TAFA1: variants seen among roughly 807,000 people sequenced by gnomAD.
The protein encoded by TAFA1 is TAFA chemokine like family member 1.
A neutral mutation model predicts 18.5 loss-of-function variants in TAFA1; 4 were observed. That is an observed-to-expected ratio of 0.22 (90% CI 0.11 to 0.49). The LOEUF (loss-of-function observed/expected upper bound fraction) is 0.49, where lower values mean the gene tolerates loss of function less well. TAFA1 is among the 20% of genes least tolerant of loss of function. The probability of loss-of-function intolerance (pLI) is 0.98; values close to 1 mark genes in which losing one functional copy is unlikely to be tolerated. For synonymous variants in TAFA1, 56 were observed against 55.2 expected (o/e 1.01, Z -0.06); for missense variants, 147 against 169.0 (o/e 0.87, Z 0.72).
At chr3:68,292,583 A>G (rs1167615037) in intron 2 of TAFA1, among the ~76,000 whole-genome samples, 1 of 152,096 alleles carries the variant, frequency 6.6e-6, no homozygotes, top group Non-Finnish European at 1.5e-5. Flanking sequence ...CTGGAGTGCA[A>G]TGGCACAATC....
At chr3:68,468,009 T>C (rs899348335) in intron 3 of TAFA1, among the ~76,000 whole-genome samples, 3 of 152,316 alleles carry the variant, frequency 2.0e-5, no homozygotes, top group Non-Finnish European at 1.5e-5. Flanking sequence ...AAAATAACCA[T>C]GTACTTTACT....
chr3:68,163,192 T>C (rs973098309), intron 2 of TAFA1, among the ~76,000 whole-genome samples: 1 of 152,238 alleles, frequency 6.6e-6, no homozygotes, highest in Non-Finnish European at 1.5e-5. Flanking sequence ...TTAATCATCC[T>C]TTTCCAGTGT....
intron 2 of TAFA1, among the ~76,000 whole-genome samples, chr3:68,065,655 ATG>A (rs964968130): frequency 6.6e-5 from 10 of 151,876 alleles, no homozygotes; most frequent in Non-Finnish European, 1.5e-5. Flanking sequence ...GAATTTGTAT[ATG>A]TGTGTATATA....
intron 2 of TAFA1, among the ~76,000 whole-genome samples, chr3:68,343,433 A>G (rs1011977509): frequency 4.6e-5 from 7 of 152,170 alleles, no homozygotes; most frequent in Admixed American, 6.5e-5. Context: ...AAATTTCACT[A>G]TTTAATTTTA....
intron 3 of TAFA1, among the ~76,000 whole-genome samples, chr3:68,517,911 C>T: frequency 7.0e-6 from 1 of 142,536 alleles, no homozygotes; most frequent in Non-Finnish European, 1.5e-5. Context: ...GCCTTATCTG[C>T]TCCCACTTGC....
intron 3 of TAFA1, among the ~76,000 whole-genome samples, chr3:68,427,058 G>C (rs966634462): frequency 5.9e-5 from 9 of 151,754 alleles, no homozygotes; most frequent in Admixed American, 1.3e-4. Flanking sequence ...ATGTGTGTGA[G>C]AGAGAGAGAT....
At chr3:68,121,811 A>G (rs1362609837) in intron 2 of TAFA1, among the ~76,000 whole-genome samples, 2 of 152,116 alleles carry the variant, frequency 1.3e-5, no homozygotes, top group African/African-American at 4.8e-5. Context: ...ATCCCTTCCA[A>G]AGTTTAAGTG....
chr3:68,531,738 G>T (rs932919224), intron 3 of TAFA1, among the ~76,000 whole-genome samples: 1 of 152,048 alleles, frequency 6.6e-6, no homozygotes, highest in Non-Finnish European at 1.5e-5. Flanking sequence ...TTTCCCTGGC[G>T]CTGGTTGTGA....
chr3:68,162,072 C>G (rs2065931623), intron 2 of TAFA1, among the ~76,000 whole-genome samples: 1 of 152,144 alleles, frequency 6.6e-6, no homozygotes, highest in Non-Finnish European at 1.5e-5. Flanking sequence ...TTATAGAAAA[C>G]ATTTGCCAAT....
chr3:68,477,841 A>C (rs575272528), intron 3 of TAFA1, among the ~76,000 whole-genome samples: 1 of 152,304 alleles, frequency 6.6e-6, no homozygotes, highest in Admixed American at 6.5e-5. Flanking sequence ...TTAGGCTTTG[A>C]AAAATACATA....
chr3:68,138,144 G>A (rs2065629721), intron 2 of TAFA1, among the ~76,000 whole-genome samples: 1 of 152,166 alleles, frequency 6.6e-6, no homozygotes, highest in Non-Finnish European at 1.5e-5. Context: ...TTTCATAGTA[G>A]AGACATTTGC....
chr3:68,525,847 C>T (rs1044461235), intron 3 of TAFA1, among the ~76,000 whole-genome samples: 1 of 148,410 alleles, frequency 6.7e-6, no homozygotes, highest in Non-Finnish European at 1.5e-5. Context: ...TTCTCTCTCT[C>T]TTTTTTTTTT....
intron 2 of TAFA1, among the ~76,000 whole-genome samples, chr3:68,267,069 A>G (rs889398658): frequency 6.6e-6 from 1 of 152,156 alleles, no homozygotes; most frequent in African/African-American, 2.4e-5. Flanking sequence ...TAGGGAACGC[A>G]TTAACAAGAG....
intron 2 of TAFA1, among the ~76,000 whole-genome samples, chr3:68,312,835 A>T (rs1042803527): frequency 1.3e-5 from 2 of 152,156 alleles, no homozygotes; most frequent in Admixed American, 1.3e-4. Flanking sequence ...GTATTAGTCC[A>T]TTTTCATGCT....
At chr3:68,000,683 C>T (rs182845992), upstream of TAFA1, among the ~76,000 whole-genome samples, 55 of 152,174 alleles carry the variant, frequency 3.6e-4, 1 homozygote, top group African/African-American at 1.0e-3. Flanking sequence ...GATGCAGAGT[C>T]GGGGAGACAC....
At chr3:68,427,913 T>C (rs144937563) in intron 3 of TAFA1, among the ~76,000 whole-genome samples, 22 of 151,912 alleles carry the variant, frequency 1.4e-4, no homozygotes, top group African/African-American at 4.6e-4. Flanking sequence ...ACCATGTAAT[T>C]TGTGCCATTG....
At chr3:68,438,612 G>T (rs906463698) in intron 3 of TAFA1, among the ~76,000 whole-genome samples, 2 of 151,964 alleles carry the variant, frequency 1.3e-5, no homozygotes, top group Non-Finnish European at 1.5e-5. Context: ...CACCTTCAAC[G>T]CACCTTTCCA....
intron 3 of TAFA1, among the ~76,000 whole-genome samples, chr3:68,501,344 A>G (rs1575928347): frequency 6.6e-6 from 1 of 152,102 alleles, no homozygotes; most frequent in Non-Finnish European, 1.5e-5. Flanking sequence ...GTCATAACCG[A>G]GGCTTGACAG....
intron 2 of TAFA1, among the ~76,000 whole-genome samples, chr3:68,303,308 G>A (rs1278199199): frequency 2.0e-5 from 3 of 152,178 alleles, no homozygotes; most frequent in African/African-American, 7.2e-5. Context: ...TGATGGGATA[G>A]TGATAAAGGC....
Sources: allele counts gnomAD v4.1 joint callset (sites outside exome capture counted in the v4.1 genomes callset), GRCh38; gene constraint gnomAD v4.1.1; transcripts MANE v1.5; gene names NCBI Gene and HGNC (gene_info 2026-07-23, HGNC 2026-07-21).